Variants in ARK2N observed in about 807,000 individuals in gnomAD.
ARK2N encodes protein ARK2N.
chr18:46,263,288 G>A, the ARK2N span: 1 of 575,404 alleles, frequency 1.7e-6, no homozygotes, highest in Non-Finnish European at 2.9e-6. Context: ...ATTAAAAGAA[G>A]TCACTTAGGA....
At chr18:46,240,959 A>G in the ARK2N span, among the ~76,000 whole-genome samples, 2 of 152,258 alleles carry the variant, frequency 1.3e-5, no homozygotes, top group African/African-American at 4.8e-5. Flanking sequence ...GGGGATTGAG[A>G]GACTGCTTAT....
the ARK2N span, among the ~76,000 whole-genome samples, chr18:46,200,844 TTAAC>T: frequency 1.3e-5 from 2 of 152,228 alleles, no homozygotes; most frequent in Non-Finnish European, 2.9e-5. Flanking sequence ...TATTTCATCC[TTAAC>T]TAAAGTGCCT....
the ARK2N span, among the ~76,000 whole-genome samples, chr18:46,187,039 A>G: frequency 6.6e-6 from 1 of 150,544 alleles, no homozygotes; most frequent in African/African-American, 2.4e-5. Flanking sequence ...TTTTTGTTAG[A>G]GACGGGGTTT....
the ARK2N span, among the ~76,000 whole-genome samples, chr18:46,208,761 C>T: frequency 6.6e-6 from 1 of 152,072 alleles, no homozygotes; most frequent in African/African-American, 2.4e-5. Flanking sequence ...GCCACCATGC[C>T]CGGCTCTGTT....
chr18:46,175,387 C>G, the ARK2N span, among the ~76,000 whole-genome samples: 1 of 152,138 alleles, frequency 6.6e-6, no homozygotes, highest in Non-Finnish European at 1.5e-5. Context: ...TGGGTACATG[C>G]TAACAGAATC....
At chr18:46,178,725 G>A in the ARK2N span, among the ~76,000 whole-genome samples, 1 of 152,058 alleles carries the variant, frequency 6.6e-6, no homozygotes, top group African/African-American at 2.4e-5. Flanking sequence ...GACCAGCCTG[G>A]GCAACATGGC....
At chr18:46,196,355 G>C in the ARK2N span, among the ~76,000 whole-genome samples, 1 of 151,316 alleles carries the variant, frequency 6.6e-6, no homozygotes, top group South Asian at 2.1e-4. Context: ...TCTGCCTGCC[G>C]GGTTCATTCC....
chr18:46,175,776 C>A, the ARK2N span, among the ~76,000 whole-genome samples: 1 of 152,192 alleles, frequency 6.6e-6, no homozygotes, highest in Admixed American at 6.5e-5. Context: ...GCTGGGATTA[C>A]AGGCGTGAGC....
At chr18:46,214,498 T>C in the ARK2N span, among the ~76,000 whole-genome samples, 1 of 152,220 alleles carries the variant, frequency 6.6e-6, no homozygotes, top group Admixed American at 6.5e-5. Context: ...CCTTTAGTTA[T>C]AAGGTTAATG....
the ARK2N span, among the ~76,000 whole-genome samples, chr18:46,249,129 C>G: frequency 6.6e-6 from 1 of 152,212 alleles, no homozygotes; most frequent in Non-Finnish European, 1.5e-5. Context: ...GAGAAAATCA[C>G]TTTGTCACAG....
chr18:46,214,333 A>G, the ARK2N span, among the ~76,000 whole-genome samples: 1 of 152,188 alleles, frequency 6.6e-6, no homozygotes, highest in East Asian at 1.9e-4. Context: ...ACCTATGGAC[A>G]TGATAGTTGC....
chr18:46,225,084 C>T, the ARK2N span, among the ~76,000 whole-genome samples: 1 of 152,184 alleles, frequency 6.6e-6, no homozygotes, highest in Non-Finnish European at 1.5e-5. Flanking sequence ...AGAAGTTCCA[C>T]GTGTGGATGG....
chr18:46,250,529 GT>G, the ARK2N span, among the ~76,000 whole-genome samples: 42 of 39,850 alleles, frequency 1.1e-3, no homozygotes, highest in Non-Finnish European at 2.0e-3. Flanking sequence ...ATTTTCCATT[GT>G]TTTTTTTTCC....
At chr18:46,190,653 T>C in the ARK2N span, among the ~76,000 whole-genome samples, 1 of 142,554 alleles carries the variant, frequency 7.0e-6, no homozygotes, top group African/African-American at 2.5e-5. Flanking sequence ...TTGAAACTTT[T>C]TGAAAACATT....
chr18:46,233,221 T>C, the ARK2N span, among the ~76,000 whole-genome samples: 1 of 152,082 alleles, frequency 6.6e-6, no homozygotes, highest in African/African-American at 2.4e-5. Flanking sequence ...TTTGGAAAAA[T>C]AGCAAAATTT....
At chr18:46,212,488 A>G in the ARK2N span, among the ~76,000 whole-genome samples, 3 of 152,062 alleles carry the variant, frequency 2.0e-5, no homozygotes, top group East Asian at 1.9e-4. Flanking sequence ...ATTGCGTGAG[A>G]ACTGTTTCTT....
the ARK2N span, among the ~76,000 whole-genome samples, chr18:46,194,931 C>T: frequency 1.3e-5 from 2 of 150,048 alleles, no homozygotes; most frequent in Non-Finnish European, 3.0e-5. Flanking sequence ...CACCAGAGTA[C>T]CTGGGACTAC....
the ARK2N span, chr18:46,217,790 C>G: frequency 1.3e-5 from 2 of 152,062 alleles, no homozygotes; most frequent in Admixed American, 1.3e-4. Flanking sequence ...TTTAATATCT[C>G]TATTGGATTC....
At chr18:46,176,543 C>G in the ARK2N span, among the ~76,000 whole-genome samples, 1 of 151,796 alleles carries the variant, frequency 6.6e-6, no homozygotes, top group East Asian at 1.9e-4. Context: ...CAGCCTCAAC[C>G]TCCCGAGCTC....
Sources: allele counts gnomAD v4.1 joint callset (sites outside exome capture counted in the v4.1 genomes callset), GRCh38; gene constraint gnomAD v4.1.1; transcripts MANE v1.5; gene names NCBI Gene and HGNC (gene_info 2026-07-23, HGNC 2026-07-21).